CHRM3: variants seen among roughly 807,000 people sequenced by gnomAD.
The protein encoded by CHRM3 is muscarinic acetylcholine receptor M3.
CHRM3 carries 11 observed loss-of-function variants against 41.8 expected under a neutral mutation model. The ratio of observed to expected loss-of-function variants is 0.26; its 90% CI spans 0.17 to 0.44. The LOEUF (loss-of-function observed/expected upper bound fraction) is 0.44. Among genes scored for constraint, CHRM3 ranks in the 20% least tolerant of loss-of-function variants. The pLI, the probability that CHRM3 is intolerant of heterozygous loss-of-function variation, is 1.00. For missense variants in CHRM3, 571 were observed against 745.4 expected, an observed-to-expected ratio of 0.77 and a Z score of 2.72; for synonymous variants, 297 against 301.4, an observed-to-expected ratio of 0.99 and a Z score of 0.15.
intron 6 of CHRM3, among the ~76,000 whole-genome samples, chr1:239,864,562 ATACATATATACATATATATG>A (rs1238494694): frequency 2.6e-5 from 4 of 151,450 alleles, no homozygotes; most frequent in Non-Finnish European, 1.5e-5. Flanking sequence ...ACACACACAT[ATACATATATACATATATATG>A]TATGTATAGA....
In CHRM3 at chr1:239,483,822, A is replaced by G. The variant is rs139370277; in HGVS notation, c.-520-8887A>G. On this transcript the variant is annotated intron_variant, in intron 1 of 6. Coordinates refer to ENST00000676153, the MANE Select transcript of CHRM3 (RefSeq NM_001375978.1). Reference sequence around the variant, plus strand: ...CGCTCCTGTTTCTGAGTATCCTTAAATAGGCTAAAATGACAATTTGATATT... The same window carrying G: ...CGCTCCTGTTTCTGAGTATCCTTAAGTAGGCTAAAATGACAATTTGATATT... Among the ~76,000 whole-genome samples the G allele has an allele frequency of 1.7e-3, 266 of 152,310 alleles. 1 individual carries two copies. The highest frequency in any genetic ancestry group is 6.3e-3 in the African/African-American group (263 of 41,582).
intron 1 of CHRM3, among the ~76,000 whole-genome samples, chr1:239,401,208 G>C (rs1400091878): frequency 1.3e-5 from 2 of 152,146 alleles, no homozygotes; most frequent in Non-Finnish European, 2.9e-5. Flanking sequence ...AAAGAAACTG[G>C]TACCTGGGTC....
chr1:239,497,247 T>G (rs1472792476), intron 2 of CHRM3, among the ~76,000 whole-genome samples: 1 of 152,178 alleles, frequency 6.6e-6, no homozygotes. Context: ...GTAAAAAGAT[T>G]GATTAATATT....
chr1:239,740,490 T>A (rs1664747257), intron 5 of CHRM3, among the ~76,000 whole-genome samples: 1 of 151,848 alleles, frequency 6.6e-6, no homozygotes, highest in Non-Finnish European at 1.5e-5. Context: ...CTGGGATACA[T>A]GTGCAGAACG....
chr1:239,565,610 A>G (rs1038067985), intron 3 of CHRM3, among the ~76,000 whole-genome samples: 2 of 151,920 alleles, frequency 1.3e-5, no homozygotes, highest in Admixed American at 6.6e-5. Flanking sequence ...ATTTATTGAC[A>G]TATTTTACTT....
chr1:239,663,120 C>T (rs1006551908), intron 4 of CHRM3, among the ~76,000 whole-genome samples: 5 of 151,740 alleles, frequency 3.3e-5, no homozygotes, highest in African/African-American at 9.7e-5. Context: ...GTCCCGGTGC[C>T]GGGCAGCTCT....
At chr1:239,823,423 C>G (rs1672209125) in intron 5 of CHRM3, among the ~76,000 whole-genome samples, 2 of 152,068 alleles carry the variant, frequency 1.3e-5, no homozygotes, top group Admixed American at 6.5e-5. Flanking sequence ...ATTCCCCCAG[C>G]CTTGGTCCAG....
chr1:239,529,609 C>CAAAAAAAA (rs74990447), intron 2 of CHRM3, among the ~76,000 whole-genome samples: 7 of 110,830 alleles, frequency 6.3e-5, no homozygotes, highest in East Asian at 3.0e-4. Context: ...GACTCCGTCT[C>CAAAAAAAA]AAAAAAAAAA....
At position 239,439,043 on chromosome 1, in the gene CHRM3, TC is replaced by T. The variant is rs145428568; in HGVS notation, c.-521+51817del. On this transcript the variant is annotated intron_variant, in intron 1 of 6. Coordinates refer to ENST00000676153, the MANE Select transcript of CHRM3 (RefSeq NM_001375978.1). ...GTTGGGCCTAGCTTCATATCCAATT[TC>T]TTAAATAGTTGCAGCAGCATCTTCT... is the stretch of plus-strand genomic sequence containing the variant. Among the ~76,000 whole-genome samples, 128 of 152,280 alleles carry T rather than the reference TC, an allele frequency of 8.4e-4. 2 individuals are homozygous for T. In the East Asian group the frequency reaches 0.018, roughly 21 times the overall value.
intron 6 of CHRM3, among the ~76,000 whole-genome samples, chr1:239,879,233 C>T (rs1349819696): frequency 6.6e-6 from 1 of 152,162 alleles, no homozygotes; most frequent in Non-Finnish European, 1.5e-5. Flanking sequence ...TGGGCTCAAA[C>T]AGTCCTCTCA....
At chr1:239,781,316 A>C (rs1475373994) in intron 5 of CHRM3, among the ~76,000 whole-genome samples, 1 of 152,266 alleles carries the variant, frequency 6.6e-6, no homozygotes, top group Non-Finnish European at 1.5e-5. Context: ...TCCTCATGTC[A>C]ATCTTACACT....
intron 5 of CHRM3, among the ~76,000 whole-genome samples, chr1:239,738,014 C>A (rs563909236): frequency 8.6e-4 from 130 of 151,834 alleles, no homozygotes; most frequent in Non-Finnish European, 1.1e-3. Context: ...ACAACAACAA[C>A]AACAAAAAAC....
At chr1:239,693,760 T>A (rs972762051) in intron 5 of CHRM3, among the ~76,000 whole-genome samples, 1 of 152,186 alleles carries the variant, frequency 6.6e-6, no homozygotes, top group Non-Finnish European at 1.5e-5. Context: ...CGTGTCTTAT[T>A]AGAGTGAAAA....
At chr1:239,588,810 G>A (rs1340399156) in intron 3 of CHRM3, among the ~76,000 whole-genome samples, 2 of 152,048 alleles carry the variant, frequency 1.3e-5, no homozygotes, top group African/African-American at 4.8e-5. Flanking sequence ...GGAATGAATA[G>A]AAATACATGT....
intron 1 of CHRM3, among the ~76,000 whole-genome samples, chr1:239,465,984 CT>C (rs952869924): frequency 3.0e-4 from 46 of 151,924 alleles, no homozygotes; most frequent in Non-Finnish European, 6.0e-4. Context: ...GATCCATTTC[CT>C]TTTATTTATT....
intron 1 of CHRM3, among the ~76,000 whole-genome samples, chr1:239,404,064 A>C (rs1660226256): frequency 6.8e-6 from 1 of 146,846 alleles, no homozygotes; most frequent in Non-Finnish European, 1.5e-5. Flanking sequence ...TGGGAGGCCA[A>C]GGTGGGCGAA....
chr1:239,796,042 C>A (rs1669739145), intron 5 of CHRM3, among the ~76,000 whole-genome samples: 1 of 152,010 alleles, frequency 6.6e-6, no homozygotes, highest in Non-Finnish European at 1.5e-5. Context: ...TTTTTAAGTT[C>A]ATCAAATAAA....
At chr1:239,417,210 G>A (rs1382942711) in intron 1 of CHRM3, among the ~76,000 whole-genome samples, 1 of 152,170 alleles carries the variant, frequency 6.6e-6, no homozygotes, top group African/African-American at 2.4e-5. Flanking sequence ...CACACATGCT[G>A]TTTTCAAAAG....
At chr1:239,869,609 A>T (rs1193399363) in intron 6 of CHRM3, among the ~76,000 whole-genome samples, 1 of 152,050 alleles carries the variant, frequency 6.6e-6, no homozygotes, top group Non-Finnish European at 1.5e-5. Flanking sequence ...GAATGAGCAC[A>T]TCCCCAGCCC....
Sources: gnomAD v4.1 joint callset for allele counts (sites outside exome capture counted in the v4.1 genomes callset) on GRCh38, gnomAD v4.1.1 for gene constraint, MANE v1.5 for transcripts, NCBI Gene and HGNC (gene_info 2026-07-23, HGNC 2026-07-21) for gene names.